Variants in SGCZ observed in about 807,000 individuals in gnomAD.
SGCZ encodes the protein zeta-sarcoglycan.
Under a neutral mutation model 41.3 loss-of-function variants are expected in SGCZ, and 40 were observed. The ratio of observed to expected loss-of-function variants is 0.97; its 90% CI spans 0.75 to 1.26. SGCZ has a LOEUF of 1.26. Ranked by LOEUF, SGCZ falls within the 50% of genes most tolerant of loss-of-function variation. The probability of loss-of-function intolerance (pLI) is 0.00; values close to 1 mark genes in which losing one functional copy is unlikely to be tolerated. For missense variants in SGCZ, 552 were observed against 369.8 expected (o/e 1.49, Z -4.04); for synonymous variants, 206 against 137.5 (o/e 1.50, Z -3.49).
At chr8:15,220,557 C>A (rs1801560506) in intron 1 of SGCZ, among the ~76,000 whole-genome samples, 1 of 151,988 alleles carries the variant, frequency 6.6e-6, no homozygotes, top group Non-Finnish European at 1.5e-5. Flanking sequence ...AGTAGGAACT[C>A]TTAGAAAATT....
At chr8:14,380,379 A>C (rs1188963572) in intron 2 of SGCZ, among the ~76,000 whole-genome samples, 1 of 152,182 alleles carries the variant, frequency 6.6e-6, no homozygotes, top group Non-Finnish European at 1.5e-5. Flanking sequence ...GTCATAGATA[A>C]ACTTATACTC....
chr8:14,238,241 C>T (rs146932523), intron 3 of SGCZ, among the ~76,000 whole-genome samples: 39 of 152,164 alleles, frequency 2.6e-4, no homozygotes, highest in African/African-American at 9.2e-4. Flanking sequence ...TTAATTTTGT[C>T]ACAAAAGGAA....
intron 1 of SGCZ, among the ~76,000 whole-genome samples, chr8:15,211,981 G>C (rs977807459): frequency 6.6e-6 from 1 of 152,052 alleles, no homozygotes. Flanking sequence ...TTAAGAAAGG[G>C]AACAAATGAA....
At chr8:14,991,652 G>T (rs908585468) in intron 1 of SGCZ, among the ~76,000 whole-genome samples, 1 of 152,020 alleles carries the variant, frequency 6.6e-6, no homozygotes, top group Non-Finnish European at 1.5e-5. Context: ...TTAGTGCAAG[G>T]AAACTAGTGA....
chr8:14,646,910 G>A (rs1422135442), intron 1 of SGCZ, among the ~76,000 whole-genome samples: 4 of 151,846 alleles, frequency 2.6e-5, no homozygotes, highest in African/African-American at 9.7e-5. Flanking sequence ...CAAAAATAAA[G>A]AAGACTTTAT....
intron 1 of SGCZ, among the ~76,000 whole-genome samples, chr8:15,215,563 A>C (rs1204683889): frequency 1.3e-5 from 2 of 152,160 alleles, no homozygotes; most frequent in African/African-American, 4.8e-5. Context: ...CAGGATGATC[A>C]GGGCCAGCTG....
chr8:14,090,773 G>T, intron 7 of SGCZ, 136 bp from the exon 8 acceptor site: 2 of 747,096 alleles, frequency 2.7e-6, no homozygotes, highest in Non-Finnish European at 4.2e-6. Flanking sequence ...ATGCTTTGTT[G>T]AACAAACAAA....
intron 1 of SGCZ, among the ~76,000 whole-genome samples, chr8:14,591,408 C>T (rs1009251827): frequency 6.6e-6 from 1 of 151,808 alleles, no homozygotes; most frequent in African/African-American, 2.4e-5. Context: ...TTCTAGAGCT[C>T]GTGCATTTCC....
At chr8:14,929,055 G>C (rs958514730) in intron 1 of SGCZ, among the ~76,000 whole-genome samples, 1 of 152,024 alleles carries the variant, frequency 6.6e-6, no homozygotes, top group Non-Finnish European at 1.5e-5. Context: ...GCAGTGGCAT[G>C]ATCTCGGCTC....
chr8:14,651,250 C>A (rs536082447), intron 1 of SGCZ, among the ~76,000 whole-genome samples: 46 of 151,990 alleles, frequency 3.0e-4, no homozygotes, highest in Non-Finnish European at 6.0e-4. Context: ...CCTCCTTATG[C>A]AAGAACAGAC....
intron 1 of SGCZ, among the ~76,000 whole-genome samples, chr8:14,750,485 G>T (rs1799465074): frequency 6.6e-6 from 1 of 152,120 alleles, no homozygotes; most frequent in African/African-American, 2.4e-5. Flanking sequence ...TTCTAAGGAA[G>T]GAAGGAGAGA....
intron 1 of SGCZ, among the ~76,000 whole-genome samples, chr8:15,017,975 C>CT (rs1803103765): frequency 6.6e-6 from 1 of 152,178 alleles, no homozygotes. Context: ...AGTGATTCTC[C>CT]TATCTCAGCC....
At chr8:14,405,010 T>C (rs1441142889) in intron 2 of SGCZ, among the ~76,000 whole-genome samples, 2 of 152,178 alleles carry the variant, frequency 1.3e-5, no homozygotes, top group Non-Finnish European at 2.9e-5. Context: ...ACATCCAGCC[T>C]GGTGAGGCAG....
intron 1 of SGCZ, among the ~76,000 whole-genome samples, chr8:14,754,440 G>C (rs949456297): frequency 3.9e-5 from 6 of 152,042 alleles, no homozygotes. Flanking sequence ...ATATGTATAT[G>C]TGTTATATAA....
chr8:14,642,015 C>T (rs1025261863), intron 1 of SGCZ, among the ~76,000 whole-genome samples: 2 of 151,644 alleles, frequency 1.3e-5, no homozygotes, highest in Non-Finnish European at 3.0e-5. Flanking sequence ...TACATAGTGT[C>T]TTATCTTACT....
intron 1 of SGCZ, among the ~76,000 whole-genome samples, chr8:14,823,055 T>TAAAAA (rs34307530): frequency 8.0e-5 from 6 of 75,470 alleles, no homozygotes; most frequent in African/African-American, 2.3e-4. Flanking sequence ...CCAATCCTCA[T>TAAAAA]AAAAAAAAAA....
intron 4 of SGCZ, among the ~76,000 whole-genome samples, chr8:14,233,422 T>C (rs1410343558): frequency 3.3e-5 from 5 of 151,434 alleles, no homozygotes; most frequent in Admixed American, 3.3e-4. Flanking sequence ...AATGTAATGT[T>C]ATTGATAAAT....
chr8:14,681,787 T>A (rs1317032218), intron 1 of SGCZ, among the ~76,000 whole-genome samples: 1 of 152,142 alleles, frequency 6.6e-6, no homozygotes, highest in Non-Finnish European at 1.5e-5. Flanking sequence ...CTCTGCATGT[T>A]TTTTAATGTT....
At chr8:14,906,504 A>AT in intron 1 of SGCZ, among the ~76,000 whole-genome samples, 1 of 152,258 alleles carries the variant, frequency 6.6e-6, no homozygotes, top group East Asian at 1.9e-4. Context: ...TGTTTTATAT[A>AT]TTTTTTCTTT....
Sources: gnomAD v4.1 joint callset for allele counts (sites outside exome capture counted in the v4.1 genomes callset) on GRCh38, gnomAD v4.1.1 for gene constraint, MANE v1.5 for transcripts, NCBI Gene and HGNC (gene_info 2026-07-23, HGNC 2026-07-21) for gene names.